KIAA1217: variants seen among roughly 807,000 people sequenced by gnomAD.
The protein encoded by KIAA1217 is sickle tail protein homolog.
A neutral mutation model predicts 163.9 loss-of-function variants in KIAA1217; 88 were observed. The observed-to-expected ratio is 0.54, with a 90% CI of 0.45 to 0.64. The LOEUF (loss-of-function observed/expected upper bound fraction) is 0.64, where lower values mean the gene tolerates loss of function less well. Ranked by LOEUF, KIAA1217 falls within the 30% of genes least tolerant of loss-of-function variation. The pLI, the probability that KIAA1217 is intolerant of heterozygous loss-of-function variation, is 0.00. For missense variants in KIAA1217, 2,372 were observed against 2,475.0 expected (o/e 0.96, Z 0.88); for synonymous variants, 903 against 923.1 (o/e 0.98, Z 0.39).
rs1181225203 is a variant in KIAA1217 at position 24,546,977 on chromosome 10, A to G, written c.*653A>G. On this transcript the variant is annotated 3_prime_UTR_variant, in exon 21 of 21. Transcript: ENST00000376454. ...AATTTATCAAACCTATTGCACTGCCATGAAAAGTGTGTATAATAATTTGCT... is the reference window on the plus strand; with the variant it reads ...AATTTATCAAACCTATTGCACTGCCGTGAAAAGTGTGTATAATAATTTGCT... 1.3e-5 allele frequency: 2 copies of G among 152,574 alleles called. No individual in the cohort carries two copies. Among genetic ancestry groups the G allele is most frequent in the Middle Eastern group, 3.4e-3 (1 of 292 alleles). The allele number at this position is 152,574 out of a possible 1,614,324, so 9.5% of individuals were successfully genotyped here.
chr10:24,364,938 A>G (rs146272226), intron 2 of KIAA1217, among the ~76,000 whole-genome samples: 9 of 152,098 alleles, frequency 5.9e-5, no homozygotes, highest in African/African-American at 1.9e-4. Flanking sequence ...AGCTAGGACT[A>G]CAGGCACTTG....
In KIAA1217 at chr10:24,446,082, G is replaced by A. The variant is rs561112282; in HGVS notation, c.846+7603G>A. 3.6e-4 allele frequency among the ~76,000 whole-genome samples: 55 copies of A among 152,262 alleles called. 1 individual carries two copies. In the South Asian group the frequency reaches 7.3e-3, roughly 20 times the overall value. On this transcript the variant is annotated intron_variant, in intron 5 of 20. Transcript: ENST00000376454. ...TTTAATGATCGCCATTCTAACTGGC[G>A]TGAGATGGTATCTGATTGTGGTTTT...
At chr10:24,018,848 A>G (rs1380441187) in intron 2 of KIAA1217, among the ~76,000 whole-genome samples, 2 of 152,126 alleles carry the variant, frequency 1.3e-5, no homozygotes, top group Non-Finnish European at 2.9e-5. Context: ...TAAAGAATAT[A>G]TGGTATATAT....
chr10:24,177,687 A>G (rs1171079674), intron 2 of KIAA1217, among the ~76,000 whole-genome samples: 3 of 151,942 alleles, frequency 2.0e-5, no homozygotes, highest in Admixed American at 6.6e-5. Context: ...CAAAATTCCA[A>G]TCAATGCCTA....
intron 1 of KIAA1217, among the ~76,000 whole-genome samples, chr10:23,766,713 C>T (rs898230476): frequency 1.1e-4 from 17 of 151,864 alleles, no homozygotes; most frequent in South Asian, 2.1e-4. Flanking sequence ...CTCAGCCTCC[C>T]GAGTAGCTGG....
chr10:24,538,629 AG>A lies in KIAA1217; in HGVS notation c.3534+1738del, dbSNP rs1564894369. Among the ~76,000 whole-genome samples, 122 of 79,064 alleles carry A rather than the reference AG, an allele frequency of 1.5e-3. 1 individual carries two copies. The highest frequency in any genetic ancestry group is 7.0e-3 in the African/African-American group (110 of 15,798). 51.9% of individuals were successfully genotyped at this position (79,064 alleles called of 152,430 possible). A position where few individuals can be genotyped will look rare whatever the true frequency, so the allele number is the denominator to read the frequency against. On this transcript the variant is annotated intron_variant, in intron 17 of 20. Coordinates refer to ENST00000376454, the MANE Select transcript of KIAA1217 (RefSeq NM_019590.5). ...GGAAAAAGAGAGGAAGGAAAAAGAG[AG>A]GAAGGAAAAAGAGAGGAAGGGAGGG...
chr10:24,307,617 A>G (rs2042150209), intron 2 of KIAA1217, among the ~76,000 whole-genome samples: 1 of 151,848 alleles, frequency 6.6e-6, no homozygotes, highest in Admixed American at 6.6e-5. Context: ...CTCTCCAAAA[A>G]AAAAAAAAAA....
intron 1 of KIAA1217, among the ~76,000 whole-genome samples, chr10:23,734,102 GGA>G (rs1312262620): frequency 6.6e-6 from 1 of 151,808 alleles, no homozygotes; most frequent in Non-Finnish European, 1.5e-5. Context: ...CAACTTCACT[GGA>G]ACCTCCCAAC....
intron 1 of KIAA1217, among the ~76,000 whole-genome samples, chr10:23,940,798 C>T (rs935998798): frequency 1.3e-5 from 2 of 152,172 alleles, no homozygotes; most frequent in Non-Finnish European, 2.9e-5. Context: ...ATCTTTGAAA[C>T]TTCACTCAAC....
chr10:23,999,519 C>G (rs1846647480), intron 1 of KIAA1217, among the ~76,000 whole-genome samples: 1 of 152,112 alleles, frequency 6.6e-6, no homozygotes, highest in Non-Finnish European at 1.5e-5. Flanking sequence ...GAGTAGAGCC[C>G]ACATCACCTA....
chr10:24,445,458 T>C (rs1009612633), intron 5 of KIAA1217, among the ~76,000 whole-genome samples: 2 of 151,872 alleles, frequency 1.3e-5, no homozygotes, highest in African/African-American at 4.8e-5. Context: ...TGTATACATG[T>C]GCCATGTTGG....
Position 23,760,862 on chromosome 10 carries a change from G to T in KIAA1217, c.-321+65628G>T, listed in dbSNP as rs144386294. Among the ~76,000 whole-genome samples, 603 of 152,256 alleles carry T rather than the reference G, an allele frequency of 4.0e-3. 10 individuals are homozygous for T. Among genetic ancestry groups the T allele is most frequent in the African/African-American group, 0.013 (551 of 41,552 alleles). ...TTACCAGTCAGTGAAAAAAAGAAAAGTTCAGACAGTTTAACAAGTATCCAC... is the reference window on the plus strand; with the variant it reads ...TTACCAGTCAGTGAAAAAAAGAAAATTTCAGACAGTTTAACAAGTATCCAC... On this transcript the variant is annotated intron_variant, in intron 1 of 18. Coordinates refer to the KIAA1217 transcript ENST00000376462.
chr10:24,288,529 T>C (rs1307199306), intron 2 of KIAA1217, among the ~76,000 whole-genome samples: 1 of 152,156 alleles, frequency 6.6e-6, no homozygotes, highest in Non-Finnish European at 1.5e-5. Context: ...CCTCAAGCCT[T>C]AGTGGGAGAG....
chr10:23,859,754 G>C (rs7903966), intron 1 of KIAA1217, among the ~76,000 whole-genome samples: 20,865 of 152,052 alleles, frequency 0.14, 4,370 homozygotes, highest in African/African-American at 0.45. Flanking sequence ...TCTAAGTATA[G>C]AAACTTACAA....
chr10:24,494,151 C>T (rs114917756), intron 6 of KIAA1217, among the ~76,000 whole-genome samples: 2 of 152,060 alleles, frequency 1.3e-5, no homozygotes, highest in African/African-American at 4.8e-5. Context: ...TGGGACACTG[C>T]GAATGCTAGG....
At chr10:23,746,335 C>G (rs928235420) in intron 1 of KIAA1217, among the ~76,000 whole-genome samples, 4 of 152,196 alleles carry the variant, frequency 2.6e-5, no homozygotes, top group African/African-American at 4.8e-5. Context: ...GATGCTGGTG[C>G]CTTGCTTCTT....
intron 1 of KIAA1217, among the ~76,000 whole-genome samples, chr10:23,940,476 A>AG (rs1317673266): frequency 1.3e-5 from 2 of 151,108 alleles, no homozygotes; most frequent in East Asian, 1.9e-4. Flanking sequence ...AAAAAAAAAA[A>AG]AAAAAAAAGA....
intron 2 of KIAA1217, among the ~76,000 whole-genome samples, chr10:24,110,974 T>C (rs1341802116): frequency 6.6e-6 from 1 of 152,244 alleles, no homozygotes; most frequent in Non-Finnish European, 1.5e-5. Context: ...ATAACTTAAA[T>C]ATTCAGATTT....
intron 2 of KIAA1217, among the ~76,000 whole-genome samples, chr10:24,050,097 A>G (rs1269721757): frequency 6.6e-6 from 1 of 152,174 alleles, no homozygotes; most frequent in Non-Finnish European, 1.5e-5. Context: ...GGCTGCATAA[A>G]TGTCTTCTTT....
Sources: gnomAD v4.1 joint callset for allele counts (sites outside exome capture counted in the v4.1 genomes callset) on GRCh38, gnomAD v4.1.1 for gene constraint, MANE v1.5 for transcripts, NCBI Gene and HGNC (gene_info 2026-07-23, HGNC 2026-07-21) for gene names.